GPC5: variants seen among roughly 807,000 people sequenced by gnomAD.
The protein encoded by GPC5 is glypican 5.
GPC5 carries 47 observed loss-of-function variants against 53.9 expected under a neutral mutation model. That is an observed-to-expected ratio of 0.87 (90% confidence interval 0.69 to 1.11). The LOEUF is 1.11. GPC5 is among the 50% of genes most tolerant of loss of function. The pLI is 0.00. For missense variants in GPC5, 748 were observed against 713.1 expected, an observed-to-expected ratio of 1.05 and a Z score of -0.56; for synonymous variants, 286 against 263.3, an observed-to-expected ratio of 1.09 and a Z score of -0.84.
intron 2 of GPC5, among the ~76,000 whole-genome samples, chr13:91,569,642 A>C (rs2031693365): frequency 6.6e-6 from 1 of 152,160 alleles, no homozygotes; most frequent in Non-Finnish European, 1.5e-5. Context: ...CATCCTTTCC[A>C]AAATTCGTAT....
chr13:92,552,177 A>G (rs562173670), intron 7 of GPC5, among the ~76,000 whole-genome samples: 1 of 152,044 alleles, frequency 6.6e-6, no homozygotes, highest in Admixed American at 6.6e-5. Context: ...GTGAAGGGAG[A>G]GAATAATGAC....
At chr13:92,714,385 C>T (rs1314834237) in intron 7 of GPC5, among the ~76,000 whole-genome samples, 1 of 152,170 alleles carries the variant, frequency 6.6e-6, no homozygotes, top group Non-Finnish European at 1.5e-5. Flanking sequence ...TCCCAGATAA[C>T]CATGGATCTT....
At chr13:92,808,699 C>T (rs1877190431) in intron 7 of GPC5, among the ~76,000 whole-genome samples, 1 of 152,132 alleles carries the variant, frequency 6.6e-6, no homozygotes, top group Non-Finnish European at 1.5e-5. Context: ...AGCTCTAGAA[C>T]ATAAAATGTC....
intron 6 of GPC5, among the ~76,000 whole-genome samples, chr13:92,069,264 A>T (rs1471026116): frequency 6.6e-6 from 1 of 152,106 alleles, no homozygotes; most frequent in Non-Finnish European, 1.5e-5. Flanking sequence ...GAATTAATAT[A>T]GTTTGATAGA....
intron 5 of GPC5, among the ~76,000 whole-genome samples, chr13:91,766,319 T>A (rs549275541): frequency 2.0e-5 from 3 of 152,324 alleles, no homozygotes; most frequent in Non-Finnish European, 2.9e-5. Flanking sequence ...AACTTTCAGA[T>A]TATGTTTTCT....
chr13:91,846,846 G>A (rs2038854594), intron 5 of GPC5, among the ~76,000 whole-genome samples: 1 of 151,890 alleles, frequency 6.6e-6, no homozygotes, highest in Non-Finnish European at 1.5e-5. Context: ...TGGGAAAATG[G>A]ATAATATTAT....
intron 7 of GPC5, among the ~76,000 whole-genome samples, chr13:92,298,245 C>T (rs944248431): frequency 1.3e-5 from 2 of 152,186 alleles, no homozygotes; most frequent in Admixed American, 6.5e-5. Flanking sequence ...CTAGGCTCCC[C>T]GCCTCCCAGC....
chr13:92,567,246 T>C (rs556356360), intron 7 of GPC5, among the ~76,000 whole-genome samples: 46 of 152,270 alleles, frequency 3.0e-4, no homozygotes, highest in Admixed American at 5.2e-4. Context: ...TGCTTCAACT[T>C]GTGCACAGAA....
chr13:92,126,565 G>A (rs74529464), intron 6 of GPC5, among the ~76,000 whole-genome samples: 303 of 152,212 alleles, frequency 2.0e-3, no homozygotes, highest in Non-Finnish European at 3.2e-3. Flanking sequence ...CAGCTTATAC[G>A]TGTAAACAAA....
In GPC5 at chr13:91,902,817, A is replaced by C. The variant is rs2039511468; in HGVS notation, c.1281-5120A>C. On this transcript the variant is annotated intron_variant, in intron 5 of 7. Coordinates refer to ENST00000377067, the MANE Select transcript of GPC5 (RefSeq NM_004466.6). ...GGAAGTGAGGTTTTATATCAGACTTAGATCCTAAAGTACTCACTTAATGAC... is the reference window on the plus strand; with the variant it reads ...GGAAGTGAGGTTTTATATCAGACTTCGATCCTAAAGTACTCACTTAATGAC... Among the ~76,000 whole-genome samples, 4 of 152,174 alleles carry C rather than the reference A, an allele frequency of 2.6e-5. No individual in the cohort carries two copies. In the South Asian group the frequency reaches 8.3e-4, roughly 32 times the overall value.
At chr13:91,443,593 CTG>C (rs1880593713) in intron 1 of GPC5, among the ~76,000 whole-genome samples, 1 of 152,160 alleles carries the variant, frequency 6.6e-6, no homozygotes, top group Admixed American at 6.5e-5. Flanking sequence ...TTTAGTCAGA[CTG>C]TCATCTGACA....
chr13:92,640,737 G>A (rs988656950), intron 7 of GPC5, among the ~76,000 whole-genome samples: 1 of 152,140 alleles, frequency 6.6e-6, no homozygotes, highest in Non-Finnish European at 1.5e-5. Flanking sequence ...ATAGGCAATA[G>A]CTTGAAGGGG....
At chr13:91,568,628 A>G (rs765612689) in intron 2 of GPC5, among the ~76,000 whole-genome samples, 3 of 151,798 alleles carry the variant, frequency 2.0e-5, no homozygotes, top group Non-Finnish European at 4.4e-5. Context: ...AGAATTTTTC[A>G]AATATTTTGT....
intron 6 of GPC5, among the ~76,000 whole-genome samples, chr13:92,033,072 T>TGTGTGTGTGC (rs1470967154): frequency 2.1e-3 from 322 of 151,556 alleles, no homozygotes; most frequent in African/African-American, 6.9e-3. Flanking sequence ...TGTGTGTGTG[T>TGTGTGTGTGC]GTGCTTCTCA....
At chr13:91,490,912 C>T (rs1883908885) in intron 2 of GPC5, among the ~76,000 whole-genome samples, 1 of 152,074 alleles carries the variant, frequency 6.6e-6, no homozygotes, top group Non-Finnish European at 1.5e-5. Flanking sequence ...CACCCTTACC[C>T]CTACCAAACT....
At chr13:92,681,435 C>T (rs188510046) in intron 7 of GPC5, among the ~76,000 whole-genome samples, 2 of 152,044 alleles carry the variant, frequency 1.3e-5, no homozygotes, top group African/African-American at 4.8e-5. Flanking sequence ...CCCACCACTC[C>T]TCACATTCCT....
At position 92,061,887 on chromosome 13, in the gene GPC5, A is replaced by C. The variant is rs537660221; in HGVS notation, c.1402-82943A>C. Among the ~76,000 whole-genome samples, 11 of 152,050 alleles carry C rather than the reference A, an allele frequency of 7.2e-5. 1 individual carries two copies. The highest frequency in any genetic ancestry group is 2.7e-4 in the African/African-American group (11 of 41,368). ...GATATGCTGCATATTTAATAAGGAAAAAAGTTTTTCTTAAGAAAATAAAAC... is the reference window on the plus strand; with the variant it reads ...GATATGCTGCATATTTAATAAGGAACAAAGTTTTTCTTAAGAAAATAAAAC... On this transcript the variant is annotated intron_variant, in intron 6 of 7. Transcript: ENST00000377067.
At chr13:92,428,340 T>G (rs1876932843) in intron 7 of GPC5, among the ~76,000 whole-genome samples, 1 of 152,134 alleles carries the variant, frequency 6.6e-6, no homozygotes, top group African/African-American at 2.4e-5. Context: ...GAAAGCATCA[T>G]GTGAACAAAG....
intron 2 of GPC5, among the ~76,000 whole-genome samples, chr13:91,636,840 C>G (rs1288740998): frequency 2.0e-5 from 3 of 152,052 alleles, no homozygotes; most frequent in African/African-American, 7.2e-5. Flanking sequence ...TGCCTGTAGA[C>G]CTGACAACTC....
Sources: allele counts gnomAD v4.1 joint callset (sites outside exome capture counted in the v4.1 genomes callset), GRCh38; gene constraint gnomAD v4.1.1; transcripts MANE v1.5; gene names NCBI Gene and HGNC (gene_info 2026-07-23, HGNC 2026-07-21).